Variants in VAPB observed in about 807,000 individuals in gnomAD.
The protein encoded by VAPB is vesicle-associated membrane protein-associated protein B/C.
A neutral mutation model predicts 25.6 loss-of-function variants in VAPB; 7 were observed. The ratio of observed to expected loss-of-function variants is 0.27; its 90% CI spans 0.16 to 0.51. VAPB has a LOEUF of 0.51. Ranked by LOEUF, VAPB falls within the 20% of genes least tolerant of loss-of-function variation. The pLI is 0.97. For synonymous variants in VAPB, 112 were observed against 109.2 expected (o/e 1.03, Z -0.16); for missense variants, 266 against 301.3 (o/e 0.88, Z 0.87).
Position 58,447,698 on chromosome 20 carries a change from G to A in VAPB, c.*3463G>A, listed in dbSNP as rs1037705614. Reference sequence around the variant, plus strand: ...TGTGTGCATGTGTGGCATATGTGCCGTATGTCAGTAGCTTGACAGTTTTCA... The same window carrying A: ...TGTGTGCATGTGTGGCATATGTGCCATATGTCAGTAGCTTGACAGTTTTCA... On this transcript the variant is annotated 3_prime_UTR_variant, in exon 6 of 6. Coordinates refer to ENST00000475243, the MANE Select transcript of VAPB (RefSeq NM_004738.5). The A allele has an allele frequency of 1.1e-5, 5 of 453,542 alleles. No individual in the cohort carries two copies. The highest frequency in any genetic ancestry group is 2.4e-5 in the Admixed American group (1 of 42,552). The allele number at this position is 453,542 out of a possible 1,614,324, so 28.1% of individuals were successfully genotyped here. A position where few individuals can be genotyped will look rare whatever the true frequency, so the allele number is the denominator to read the frequency against.
At chr20:58,401,057 T>G (rs1988085352) in intron 1 of VAPB, among the ~76,000 whole-genome samples, 1 of 152,228 alleles carries the variant, frequency 6.6e-6, no homozygotes, top group African/African-American at 2.4e-5. Context: ...ACCTCTAACC[T>G]CGCTCAGAGA....
rs1989412477 is a variant in VAPB, at chr20:58,450,294, A to G, written c.*6059A>G. The G allele has an allele frequency of 4.4e-6, 2 of 453,948 alleles. No homozygotes were observed. Among genetic ancestry groups the G allele is most frequent in the South Asian group, 3.1e-5 (2 of 64,468 alleles). The allele number at this position is 453,948 out of a possible 1,614,324, so 28.1% of individuals were successfully genotyped here. A position where few individuals can be genotyped will look rare whatever the true frequency, so the allele number is the denominator to read the frequency against. Reference sequence around the variant, plus strand: ...TCTGTGATATTGAGACCATGTGTACAAGAACTACTTTTTGCTTTTCATCAT... The same window carrying G: ...TCTGTGATATTGAGACCATGTGTACGAGAACTACTTTTTGCTTTTCATCAT... On this transcript the variant is annotated 3_prime_UTR_variant, in exon 6 of 6. Coordinates refer to ENST00000475243, the MANE Select transcript of VAPB (RefSeq NM_004738.5).
In VAPB at chr20:58,389,436, A is replaced by G. The variant is rs752550479; in HGVS notation, c.-24A>G. The G allele has an allele frequency of 1.3e-6, 2 of 1,580,346 alleles. No individual in the cohort carries two copies. The highest frequency in any genetic ancestry group is 1.7e-6 in the Non-Finnish European group (2 of 1,163,196). Reference sequence around the variant, plus strand: ...GTGACCTCTCAGGGGTCTCCCCGCCAAAGGTGCTCCGCCGCTAAGGAACAT... The same window carrying G: ...GTGACCTCTCAGGGGTCTCCCCGCCGAAGGTGCTCCGCCGCTAAGGAACAT... On this transcript the variant is annotated 5_prime_UTR_variant, in exon 1 of 6. Coordinates refer to ENST00000475243, the MANE Select transcript of VAPB (RefSeq NM_004738.5).
intron 5 of VAPB, among the ~76,000 whole-genome samples, chr20:58,441,922 G>A (rs1276631780): frequency 1.3e-5 from 2 of 152,144 alleles, no homozygotes. Flanking sequence ...GGTAGGAGGT[G>A]GAGATTATGG....
intron 5 of VAPB, among the ~76,000 whole-genome samples, chr20:58,442,119 CTGTT>C (rs1325666047): frequency 2.6e-5 from 4 of 152,192 alleles, no homozygotes; most frequent in Non-Finnish European, 2.9e-5. Context: ...TCTTAGGCCT[CTGTT>C]TGCTAAACAC....
chr20:58,389,636 G>T, intron 1 of VAPB, 119 bp downstream of exon 1: 3 of 1,115,356 alleles, frequency 2.7e-6, no homozygotes, highest in Non-Finnish European at 2.4e-6. Flanking sequence ...GCTGTCGCGG[G>T]GGGCGGCGAG....
At chr20:58,392,125 G>A (rs568765815) in intron 1 of VAPB, among the ~76,000 whole-genome samples, 2 of 152,256 alleles carry the variant, frequency 1.3e-5, no homozygotes, top group South Asian at 2.1e-4. Flanking sequence ...TGTGACCTTA[G>A]GCCACTTCAC....
rs1393250495 is a variant in VAPB, at chr20:58,447,466, G to C, written c.*3231G>C. On this transcript the variant is annotated 3_prime_UTR_variant, in exon 6 of 6. Transcript: ENST00000475243. ...CGACTTATACCTCCATAACACAGAA[G>C]GGGGAAAAATGAAGAACCTCCAGTG... The C allele has an allele frequency of 4.4e-6, 2 of 454,054 alleles. No individual in the cohort carries two copies. Among genetic ancestry groups the C allele is most frequent in the Admixed American group, 2.3e-5 (1 of 42,570 alleles). 28.1% of individuals were successfully genotyped at this position (454,054 alleles called of 1,614,324 possible).
At chr20:58,398,181 A>T (rs1988009206) in intron 1 of VAPB, among the ~76,000 whole-genome samples, 1 of 152,240 alleles carries the variant, frequency 6.6e-6, no homozygotes, top group African/African-American at 2.4e-5. Flanking sequence ...AGCCTATTGT[A>T]TGATAAAGTA....
intron 1 of VAPB, 30 bp from the exon 2 acceptor site, chr20:58,418,181 C>T: frequency 1.9e-6 from 3 of 1,613,914 alleles, no homozygotes; most frequent in African/African-American, 1.3e-5. Flanking sequence ...CCTCATGAGA[C>T]CCCCAATCAG....
chr20:58,418,132 A>C, intron 1 of VAPB, 79 bp from the exon 2 acceptor site: 1 of 1,585,174 alleles, frequency 6.3e-7, no homozygotes. Flanking sequence ...TCCCTTAACT[A>C]TATTTACAGC....
At chr20:58,404,276 G>A (rs573440111) in intron 1 of VAPB, among the ~76,000 whole-genome samples, 4 of 152,262 alleles carry the variant, frequency 2.6e-5, no homozygotes, top group South Asian at 2.1e-4. Flanking sequence ...AGGCCACACC[G>A]CATCTTTCCA....
chr20:58,393,426 C>T (rs2123013742), intron 1 of VAPB, among the ~76,000 whole-genome samples: 1 of 152,262 alleles, frequency 6.6e-6, no homozygotes, highest in Middle Eastern at 3.4e-3. Flanking sequence ...CTCAGTTCTT[C>T]CAAGTCCTAA....
rs537801221 is a variant in VAPB at position 58,434,045 on chromosome 20, G to A, written c.212-557G>A. Reference sequence around the variant, plus strand: ...GGTTCTTAGGGAAAAAAAAGGGGGAGTATAAGCTGATACCGTTTTCCCTGC... The same window carrying A: ...GGTTCTTAGGGAAAAAAAAGGGGGAATATAAGCTGATACCGTTTTCCCTGC... On this transcript the variant is annotated intron_variant, in intron 2 of 5. Transcript: ENST00000475243. 4.8e-4 allele frequency among the ~76,000 whole-genome samples: 73 copies of A among 152,282 alleles called. No individual in the cohort carries two copies. The South Asian group carries it at 7.7e-3, about 16-fold the overall frequency.
chr20:58,411,616 G>A, intron 1 of VAPB, among the ~76,000 whole-genome samples: 1 of 152,180 alleles, frequency 6.6e-6, no homozygotes, highest in Non-Finnish European at 1.5e-5. Context: ...CGTTTTTGGT[G>A]AGGTGGCTGT....
Position 58,389,246 on chromosome 20 carries a change from C to A in VAPB, c.-214C>A. The A allele has an allele frequency of 1.5e-6, 1 of 662,216 alleles. No individual in the cohort carries two copies. Among genetic ancestry groups the A allele is most frequent in the Non-Finnish European group, 2.7e-6 (1 of 363,942 alleles). The allele number at this position is 662,216 out of a possible 1,614,324, so 41.0% of individuals were successfully genotyped here. On this transcript the variant is annotated 5_prime_UTR_variant, in exon 1 of 6. Coordinates refer to ENST00000475243, the MANE Select transcript of VAPB (RefSeq NM_004738.5). ...GCGTGCGTGCGTGCCGTCAGCTCGC[C>A]GGGCACCGCGGCCTCGCCCTCGCCC...
At chr20:58,412,630 GC>G (rs1278653591) in intron 1 of VAPB, among the ~76,000 whole-genome samples, 3 of 148,744 alleles carry the variant, frequency 2.0e-5, no homozygotes, top group Admixed American at 1.3e-4. Context: ...CTTCTATCTT[GC>G]CATTTAGTAG....
intron 1 of VAPB, among the ~76,000 whole-genome samples, chr20:58,397,275 G>T (rs6100053): frequency 0.21 from 32,368 of 151,788 alleles, 3,969 homozygotes; most frequent in African/African-American, 0.32. Flanking sequence ...ATCCCAGCAC[G>T]TTGGGAGGCT....
chr20:58,418,965 A>C, intron 2 of VAPB, among the ~76,000 whole-genome samples: 1 of 152,186 alleles, frequency 6.6e-6, no homozygotes, highest in East Asian at 1.9e-4. Flanking sequence ...CCACCTTTTG[A>C]AAAATACTGG....
Sources: allele counts gnomAD v4.1 joint callset (sites outside exome capture counted in the v4.1 genomes callset), GRCh38; gene constraint gnomAD v4.1.1; transcripts MANE v1.5; gene names NCBI Gene and HGNC (gene_info 2026-07-23, HGNC 2026-07-21).